The following ERG variants were observed in gnomAD, a reference collection of about 807,000 sequenced individuals.
ERG encodes ETS transcription factor ERG.
A neutral mutation model predicts 55.3 loss-of-function variants in ERG; 9 were observed. The ratio of observed to expected loss-of-function variants is 0.16; its 90% CI spans 0.10 to 0.28. ERG has a LOEUF of 0.28. ERG is among the 10% of genes least tolerant of loss of function. The pLI is 1.00. For synonymous variants in ERG, 223 were observed against 237.3 expected, an observed-to-expected ratio of 0.94 and a Z score of 0.55; for missense variants, 434 against 631.6, an observed-to-expected ratio of 0.69 and a Z score of 3.35.
chr21:38,653,534 G>A (rs1377436142), intron 1 of ERG, among the ~76,000 whole-genome samples: 1 of 152,182 alleles, frequency 6.6e-6, no homozygotes, highest in African/African-American at 2.4e-5. Context: ...CCTTGCAAGA[G>A]GGGATGCTCC....
intron 1 of ERG, among the ~76,000 whole-genome samples, chr21:38,661,182 G>A (rs2060553734): frequency 6.6e-6 from 1 of 151,492 alleles, no homozygotes; most frequent in Non-Finnish European, 1.5e-5. Context: ...GGGAGGGAAA[G>A]TGTGGGAGGG....
At chr21:38,548,284 T>A (rs2146810319) in intron 2 of ERG, among the ~76,000 whole-genome samples, 1 of 152,186 alleles carries the variant, frequency 6.6e-6, no homozygotes, top group East Asian at 1.9e-4. Flanking sequence ...CACCAAGAAA[T>A]CAAAACAGCT....
intron 2 of ERG, among the ~76,000 whole-genome samples, chr21:38,566,167 T>C (rs1301028862): frequency 2.0e-5 from 3 of 152,104 alleles, no homozygotes; most frequent in Non-Finnish European, 2.9e-5. Flanking sequence ...CACCATGGGA[T>C]TTTGCGATCA....
At chr21:38,549,401 C>G (rs1268963194) in intron 2 of ERG, among the ~76,000 whole-genome samples, 2 of 152,088 alleles carry the variant, frequency 1.3e-5, no homozygotes, top group Non-Finnish European at 2.9e-5. Flanking sequence ...AGCTAGTTAT[C>G]TTACTTCACC....
At chr21:38,567,080 G>C (rs560410816) in intron 2 of ERG, among the ~76,000 whole-genome samples, 7 of 152,148 alleles carry the variant, frequency 4.6e-5, no homozygotes, top group African/African-American at 1.2e-4. Context: ...GACTGGGGGG[G>C]GGATTGTGCA....
At chr21:38,580,115 C>G (rs561427310) in intron 1 of ERG, among the ~76,000 whole-genome samples, 1 of 151,012 alleles carries the variant, frequency 6.6e-6, no homozygotes, top group Non-Finnish European at 1.5e-5. Context: ...CCACCACGCC[C>G]GGCTAATTTT....
At chr21:38,593,766 T>C (rs922003349) in intron 1 of ERG, among the ~76,000 whole-genome samples, 1 of 152,080 alleles carries the variant, frequency 6.6e-6, no homozygotes, top group African/African-American at 2.4e-5. Context: ...TAATCTATAA[T>C]AGAACAAAAA....
At chr21:38,411,954 A>G (rs1989077817) in intron 3 of ERG, among the ~76,000 whole-genome samples, 1 of 152,176 alleles carries the variant, frequency 6.6e-6, no homozygotes, top group Admixed American at 6.5e-5. Context: ...ACCCTCAATT[A>G]TCTCCAGTTA....
intron 3 of ERG, among the ~76,000 whole-genome samples, chr21:38,411,405 C>T (rs145337932): frequency 1.3e-5 from 2 of 152,150 alleles, no homozygotes; most frequent in East Asian, 3.9e-4. Context: ...GCAACCTCTG[C>T]CTCCCAGGTT....
intron 1 of ERG, among the ~76,000 whole-genome samples, chr21:38,457,097 G>T (rs1222340861): frequency 6.6e-6 from 1 of 152,172 alleles, no homozygotes; most frequent in Non-Finnish European, 1.5e-5. Flanking sequence ...ATCCAATAGG[G>T]CTCTTTTGCC....
chr21:38,451,224 G>A (rs769300680), intron 1 of ERG: 6 of 506,954 alleles, frequency 1.2e-5, no homozygotes, highest in Non-Finnish European at 2.4e-5. Flanking sequence ...GATCTGGATG[G>A]TAAACGGAGA....
intron 1 of ERG, among the ~76,000 whole-genome samples, chr21:38,623,279 CAT>C (rs1250085040): frequency 2.7e-5 from 4 of 147,564 alleles, no homozygotes; most frequent in African/African-American, 1.0e-4. Flanking sequence ...ACACACATCA[CAT>C]ACTCAACACT....
At chr21:38,481,684 A>G (rs989714522) in intron 1 of ERG, among the ~76,000 whole-genome samples, 4 of 152,202 alleles carry the variant, frequency 2.6e-5, no homozygotes, top group Non-Finnish European at 5.9e-5. Flanking sequence ...TCCATTAGAG[A>G]TGTTATTTAT....
At chr21:38,590,893 T>C (rs1490595827) in intron 1 of ERG, among the ~76,000 whole-genome samples, 1 of 152,226 alleles carries the variant, frequency 6.6e-6, no homozygotes, top group African/African-American at 2.4e-5. Context: ...TGTAGCTTGG[T>C]TGAGCATGAC....
chr21:38,614,756 T>C (rs1315868454), intron 1 of ERG, among the ~76,000 whole-genome samples: 1 of 152,140 alleles, frequency 6.6e-6, no homozygotes, highest in Non-Finnish European at 1.5e-5. Flanking sequence ...ATTTATCTGA[T>C]CGGTGAGTTG....
At chr21:38,560,561 T>C (rs2059886679) in intron 2 of ERG, among the ~76,000 whole-genome samples, 1 of 152,176 alleles carries the variant, frequency 6.6e-6, no homozygotes, top group African/African-American at 2.4e-5. Context: ...ATCCTCATTT[T>C]ATCCTTCACA....
chr21:38,545,903 C>G (rs562087780), intron 2 of ERG, among the ~76,000 whole-genome samples: 1 of 152,340 alleles, frequency 6.6e-6, no homozygotes, highest in South Asian at 2.1e-4. Flanking sequence ...TCTTCAAAGT[C>G]AAAGATTGCG....
chr21:38,380,277 G>A lies in ERG; in HGVS notation c.*3126C>T. On this transcript the variant is annotated 3_prime_UTR_variant, in exon 10 of 10. Transcript: ENST00000288319. ...CTGCTGTCAGAGGGCAGCTCCTCCGGCTCCTGCTCCTGGGTTGCAGGTGCC... is the reference window on the plus strand; with the variant it reads ...CTGCTGTCAGAGGGCAGCTCCTCCGACTCCTGCTCCTGGGTTGCAGGTGCC... 1.9e-6 allele frequency: 2 copies of A among 1,056,410 alleles called. No homozygotes were observed. The highest frequency in any genetic ancestry group is 2.3e-6 in the Non-Finnish European group (2 of 873,770). 65.4% of individuals were successfully genotyped at this position (1,056,410 alleles called of 1,614,324 possible). A position where few individuals can be genotyped will look rare whatever the true frequency, so the allele number is the denominator to read the frequency against.
chr21:38,537,246 G>A (rs2059717336), intron 2 of ERG, among the ~76,000 whole-genome samples: 1 of 152,012 alleles, frequency 6.6e-6, no homozygotes, highest in Non-Finnish European at 1.5e-5. Context: ...CATAACACTG[G>A]ATTTCACAAG....
Sources: gnomAD v4.1 joint callset for allele counts (sites outside exome capture counted in the v4.1 genomes callset) on GRCh38, gnomAD v4.1.1 for gene constraint, MANE v1.5 for transcripts, NCBI Gene and HGNC (gene_info 2026-07-23, HGNC 2026-07-21) for gene names.